CFAP221: variants seen among roughly 807,000 people sequenced by gnomAD.
CFAP221 encodes cilia- and flagella-associated protein 221.
Under a neutral mutation model 113.1 loss-of-function variants are expected in CFAP221, and 97 were observed. The observed-to-expected ratio is 0.86, with a 90% CI of 0.73 to 1.02. The LOEUF (loss-of-function observed/expected upper bound fraction) is 1.02, where lower values mean the gene tolerates loss of function less well. CFAP221 is among the 50% of genes least tolerant of loss of function. CFAP221 has a pLI of 0.00. For missense variants in CFAP221, 1,025 were observed against 1,013.4 expected, an observed-to-expected ratio of 1.01 and a Z score of -0.16; for synonymous variants, 331 against 354.4, an observed-to-expected ratio of 0.93 and a Z score of 0.74.
intron 11 of CFAP221, among the ~76,000 whole-genome samples, chr2:119,605,521 T>G (rs963231346): frequency 1.3e-5 from 2 of 152,246 alleles, no homozygotes; most frequent in African/African-American, 4.8e-5. Flanking sequence ...GAGTGAATTG[T>G]GGGAGATGCT....
chr2:119,649,010 T>C (rs1015045495), intron 22 of CFAP221, among the ~76,000 whole-genome samples: 2 of 152,238 alleles, frequency 1.3e-5, no homozygotes, highest in East Asian at 3.8e-4. Flanking sequence ...TGGTACTGCA[T>C]TGCCTTGAAG....
chr2:119,656,109 C>T lies in CFAP221; in HGVS notation c.2415-253C>T. On this transcript the variant is annotated intron_variant, in intron 23 of 23. Coordinates refer to ENST00000413369, the MANE Select transcript of CFAP221 (RefSeq NM_001271049.2). Reference sequence around the variant, plus strand: ...ATTACACCATTCGCACATCAGGAAACAGGGGCTGTGGATTCTTGGGTAACT... The same window carrying T: ...ATTACACCATTCGCACATCAGGAAATAGGGGCTGTGGATTCTTGGGTAACT... 6.6e-6 allele frequency: 3 copies of T among 455,278 alleles called. No individual in the cohort carries two copies. The South Asian group carries it at 7.4e-5, about 11-fold the overall frequency. 28.2% of individuals were successfully genotyped at this position (455,278 alleles called of 1,614,324 possible).
At chr2:119,638,488 G>A (rs1687255804) in intron 20 of CFAP221, 71 bp downstream of exon 20, 10 of 1,569,270 alleles carry the variant, frequency 6.4e-6, no homozygotes, top group African/African-American at 4.1e-5. Context: ...CAAGGACAGG[G>A]TCACAGCTGG....
At position 119,546,246 on chromosome 2, in the gene CFAP221, G is replaced by A. The variant is rs1395572239; in HGVS notation, c.115G>A (p.Val39Ile). 1.3e-6 allele frequency: 2 copies of A among 1,535,484 alleles called. No homozygotes were observed. Among genetic ancestry groups the A allele is most frequent in the East Asian group, 2.4e-5 (1 of 40,884 alleles). ...LVEEPKKRKE[V>I]PNHLLESKVY... Reference sequence around the variant, plus strand: ...GGAGGAGCCGAAAAAAAGAAAAGAAGTACCTAATCACCTCCTAGAATCAAG... The same window carrying A: ...GGAGGAGCCGAAAAAAAGAAAAGAAATACCTAATCACCTCCTAGAATCAAG... The change falls in exon 2 of 24, where the codon GTA (valine) becomes ATA (isoleucine). Residue 39 changes from valine to isoleucine, a missense_variant. Coordinates refer to ENST00000413369, the MANE Select transcript of CFAP221 (RefSeq NM_001271049.2).
chr2:119,549,307 C>A, intron 3 of CFAP221, 122 bp downstream of exon 3: 1 of 734,092 alleles, frequency 1.4e-6, no homozygotes, highest in Non-Finnish European at 2.1e-6. Flanking sequence ...GTAAATTGGG[C>A]CAGAAAGGTA....
chr2:119,584,815 A>G (rs766307628), intron 6 of CFAP221, among the ~76,000 whole-genome samples: 1 of 152,250 alleles, frequency 6.6e-6, no homozygotes, highest in African/African-American at 2.4e-5. Flanking sequence ...GTTGGTAAGC[A>G]ATAGAAACTC....
At chr2:119,573,946 G>A (rs1161924162) in intron 6 of CFAP221, among the ~76,000 whole-genome samples, 2 of 152,056 alleles carry the variant, frequency 1.3e-5, no homozygotes, top group Non-Finnish European at 2.9e-5. Context: ...CGAAGTGGGC[G>A]CCACCTTGAT....
chr2:119,645,772 G>T (rs1687765861), intron 21 of CFAP221, among the ~76,000 whole-genome samples: 1 of 152,126 alleles, frequency 6.6e-6, no homozygotes. Context: ...TCTGTGAGGA[G>T]GTCTGTTTCC....
chr2:119,546,318 G>A (rs746220122), intron 2 of CFAP221, 48 bp downstream of exon 2: 2 of 1,514,238 alleles, frequency 1.3e-6, no homozygotes, highest in South Asian at 2.5e-5. Flanking sequence ...ATCTTCCCAG[G>A]CGAGCCAAAG....
At chr2:119,633,146 G>A (rs186331073) in intron 19 of CFAP221, among the ~76,000 whole-genome samples, 25 of 151,960 alleles carry the variant, frequency 1.6e-4, no homozygotes, top group African/African-American at 4.6e-4. Flanking sequence ...TAGAACATTT[G>A]GATATCTATT....
intron 8 of CFAP221, among the ~76,000 whole-genome samples, chr2:119,604,157 T>C: frequency 6.6e-6 from 1 of 152,210 alleles, no homozygotes; most frequent in East Asian, 1.9e-4. Flanking sequence ...GTCAGTATGT[T>C]CTTTAAGAAT....
intron 15 of CFAP221, among the ~76,000 whole-genome samples, chr2:119,627,278 T>A (rs546455845): frequency 6.6e-6 from 1 of 152,288 alleles, no homozygotes; most frequent in East Asian, 1.9e-4. Flanking sequence ...CTATATTAAT[T>A]TTTATCTCTG....
In CFAP221 at chr2:119,604,923, A is replaced by G; in HGVS notation, c.960A>G (p.Pro320=). The G allele has an allele frequency of 1.9e-6, 3 of 1,614,180 alleles. No individual in the cohort carries two copies. Among genetic ancestry groups the G allele is most frequent in the Non-Finnish European group, 2.5e-6 (3 of 1,180,026 alleles). Residue 320 remains proline, a synonymous_variant, in exon 10 of 24, where the codon CCA becomes CCG. Transcript: ENST00000413369. ...NLRFPVDLSN[P]FAVATVLNQE... ...GATTTCCAGTAGATTTATCGAATCC[A>G]TTTGCTGTGGCAACTGTTTTAAACC...
intron 8 of CFAP221, among the ~76,000 whole-genome samples, chr2:119,602,445 G>T (rs1684429434): frequency 6.6e-6 from 1 of 152,154 alleles, no homozygotes; most frequent in Non-Finnish European, 1.5e-5. Context: ...CAATTATTTT[G>T]AAAATGATAG....
intron 22 of CFAP221, 131 bp downstream of exon 22, chr2:119,647,181 C>A: frequency 1.6e-6 from 1 of 631,600 alleles, no homozygotes; most frequent in Non-Finnish European, 2.7e-6. Flanking sequence ...ATAAGGCTAA[C>A]ACCCATCCAT....
At chr2:119,550,904 C>T (rs989810785) in intron 3 of CFAP221, among the ~76,000 whole-genome samples, 3 of 152,142 alleles carry the variant, frequency 2.0e-5, no homozygotes. Context: ...ACTCCTTATC[C>T]CCTATTCCCC....
intron 14 of CFAP221, among the ~76,000 whole-genome samples, chr2:119,619,256 T>C (rs1051323670): frequency 6.6e-6 from 1 of 152,188 alleles, no homozygotes; most frequent in Non-Finnish European, 1.5e-5. Flanking sequence ...GACTGCCTCC[T>C]CAAGTGGGTC....
At chr2:119,631,031 T>G (rs1574187664) in intron 19 of CFAP221, 130 bp downstream of exon 19, 1 of 1,417,180 alleles carries the variant, frequency 7.1e-7, no homozygotes, top group Non-Finnish European at 9.2e-7. Flanking sequence ...ATATCTGACC[T>G]TTAATATTGT....
At chr2:119,548,598 T>G (rs1351728212) in intron 2 of CFAP221, among the ~76,000 whole-genome samples, 1 of 152,248 alleles carries the variant, frequency 6.6e-6, no homozygotes, top group Non-Finnish European at 1.5e-5. Context: ...CTTTAAGTTT[T>G]AATATTACTC....
Sources: gnomAD v4.1 joint callset for allele counts (sites outside exome capture counted in the v4.1 genomes callset) on GRCh38, gnomAD v4.1.1 for gene constraint, MANE v1.5 for transcripts, NCBI Gene and HGNC (gene_info 2026-07-23, HGNC 2026-07-21) for gene names.